GLIS3: variants seen among roughly 807,000 people sequenced by gnomAD.
The protein encoded by GLIS3 is GLIS family zinc finger 3.
GLIS3 carries 53 observed loss-of-function variants against 78.6 expected under a neutral mutation model. That is an observed-to-expected ratio of 0.67 (90% CI 0.54 to 0.85). GLIS3 has a LOEUF of 0.85. Among genes scored for constraint, GLIS3 ranks in the 40% least tolerant of loss-of-function variants. The pLI is 0.00. For synonymous variants in GLIS3, 684 were observed against 509.9 expected (o/e 1.34, Z -4.60); for missense variants, 1,703 against 1,231.1 (o/e 1.38, Z -5.74).
Position 4,261,359 on chromosome 9 carries a change from G to A in GLIS3, c.388+24679C>T, listed in dbSNP as rs973206335. On this transcript the variant is annotated intron_variant, in intron 2 of 10. Coordinates refer to ENST00000381971, the MANE Select transcript of GLIS3 (RefSeq NM_001042413.2). ...AAGCAAAGAGAAGAGAAATAGGGAT[G>A]GAAGAGGAGGGAAGAAAGGGAGACA... 4.6e-5 allele frequency among the ~76,000 whole-genome samples: 7 copies of A among 152,126 alleles called. No individual in the cohort carries two copies. The East Asian group carries it at 5.8e-4, about 13-fold the overall frequency.
At chr9:3,933,971 C>G (rs918618927) in intron 5 of GLIS3, among the ~76,000 whole-genome samples, 13 of 152,142 alleles carry the variant, frequency 8.5e-5, no homozygotes, top group African/African-American at 3.1e-4. Context: ...GACTGTTTGA[C>G]TGGTTGGTTG....
the GLIS3 span, among the ~76,000 whole-genome samples, chr9:4,409,730 A>T: frequency 2.0e-5 from 3 of 152,198 alleles, no homozygotes; most frequent in Non-Finnish European, 4.4e-5. Flanking sequence ...ACAAATGATA[A>T]ATCACAAACT....
At chr9:4,052,548 T>G (rs1825816620) in intron 4 of GLIS3, among the ~76,000 whole-genome samples, 1 of 152,216 alleles carries the variant, frequency 6.6e-6, no homozygotes, top group Non-Finnish European at 1.5e-5. Flanking sequence ...TCTATAGATT[T>G]ACCTCTTCTG....
At chr9:4,469,862 G>GTCT in the GLIS3 span, among the ~76,000 whole-genome samples, 5 of 151,826 alleles carry the variant, frequency 3.3e-5, no homozygotes, top group African/African-American at 1.2e-4. Context: ...TTTTTGAGAA[G>GTCT]ATCAACAAAA....
At chr9:3,897,266 T>C (rs1822919100) in intron 7 of GLIS3, among the ~76,000 whole-genome samples, 1 of 152,162 alleles carries the variant, frequency 6.6e-6, no homozygotes, top group African/African-American at 2.4e-5. Flanking sequence ...CTGTTGACTA[T>C]TGGGTTCCAG....
chr9:4,103,612 C>T (rs1217257859), intron 4 of GLIS3, among the ~76,000 whole-genome samples: 2 of 152,142 alleles, frequency 1.3e-5, no homozygotes, highest in Non-Finnish European at 2.9e-5. Context: ...CCCATGTCAC[C>T]CTCATGGTAG....
chr9:3,882,633 T>G (rs575518377), intron 7 of GLIS3, among the ~76,000 whole-genome samples: 1 of 152,234 alleles, frequency 6.6e-6, no homozygotes, highest in Admixed American at 6.5e-5. Context: ...CCACGTCAAC[T>G]GGTGTTGACT....
At chr9:4,290,046 G>A (rs1414390598) in intron 1 of GLIS3, among the ~76,000 whole-genome samples, 2 of 152,010 alleles carry the variant, frequency 1.3e-5, no homozygotes, top group African/African-American at 2.4e-5. Context: ...TTAAACAAAC[G>A]AAAAGCAATG....
intron 4 of GLIS3, among the ~76,000 whole-genome samples, chr9:4,018,563 T>C (rs931003693): frequency 4.6e-5 from 7 of 152,134 alleles, no homozygotes; most frequent in Admixed American, 1.3e-4. Flanking sequence ...CACTGGGATC[T>C]TGACTGGGGT....
intron 9 of GLIS3, among the ~76,000 whole-genome samples, chr9:3,835,178 G>A (rs1818276039): frequency 6.6e-6 from 1 of 152,182 alleles, no homozygotes; most frequent in Non-Finnish European, 1.5e-5. Context: ...TTTACAGTGA[G>A]GCTGGGGAAC....
chr9:4,197,509 G>C (rs1025627724), intron 2 of GLIS3, among the ~76,000 whole-genome samples: 9 of 152,088 alleles, frequency 5.9e-5, no homozygotes, highest in African/African-American at 2.2e-4. Context: ...AGGCCAAGGA[G>C]GTTTCCCAGC....
the GLIS3 span, among the ~76,000 whole-genome samples, chr9:4,371,474 C>T: frequency 1.3e-5 from 2 of 152,164 alleles, no homozygotes; most frequent in Non-Finnish European, 2.9e-5. Context: ...CTCCTTTACT[C>T]GAAGGTTGGA....
chr9:4,175,705 T>C (rs773576836), intron 2 of GLIS3, among the ~76,000 whole-genome samples: 1 of 152,152 alleles, frequency 6.6e-6, no homozygotes, highest in Admixed American at 6.5e-5. Context: ...CTTTCCCCCA[T>C]ACATAACCAC....
chr9:3,961,867 T>G (rs1483694400), intron 4 of GLIS3, among the ~76,000 whole-genome samples: 1 of 152,152 alleles, frequency 6.6e-6, no homozygotes, highest in East Asian at 1.9e-4. Flanking sequence ...TCAAGAAAAT[T>G]AGTTATGATC....
At chr9:4,004,900 A>T (rs1821416943) in intron 4 of GLIS3, among the ~76,000 whole-genome samples, 1 of 152,220 alleles carries the variant, frequency 6.6e-6, no homozygotes, top group African/African-American at 2.4e-5. Flanking sequence ...TATTGTTTCA[A>T]CAATGGCATA....
At chr9:4,128,420 T>C (rs984108869) in intron 2 of GLIS3, among the ~76,000 whole-genome samples, 1 of 152,246 alleles carries the variant, frequency 6.6e-6, no homozygotes, top group African/African-American at 2.4e-5. Flanking sequence ...TTGAAGCATC[T>C]CTACTTCCTT....
intron 4 of GLIS3, among the ~76,000 whole-genome samples, chr9:4,084,761 T>C (rs757489940): frequency 2.6e-5 from 4 of 152,136 alleles, no homozygotes; most frequent in Non-Finnish European, 5.9e-5. Flanking sequence ...AACAAACTCC[T>C]TGGCTTCCTC....
chr9:4,025,720 C>T (rs546530463), intron 4 of GLIS3, among the ~76,000 whole-genome samples: 1 of 152,156 alleles, frequency 6.6e-6, no homozygotes. Context: ...TAGAATTAAT[C>T]ATGAGTCTCA....
At chr9:4,093,378 G>A (rs944896791) in intron 4 of GLIS3, among the ~76,000 whole-genome samples, 2 of 152,218 alleles carry the variant, frequency 1.3e-5, no homozygotes, top group African/African-American at 4.8e-5. Flanking sequence ...TGCAAAGCGT[G>A]CACAAGGGAA....
Sources: gnomAD v4.1 joint callset for allele counts (sites outside exome capture counted in the v4.1 genomes callset) on GRCh38, gnomAD v4.1.1 for gene constraint, MANE v1.5 for transcripts, NCBI Gene and HGNC (gene_info 2026-07-23, HGNC 2026-07-21) for gene names.